Variants in MSH5 observed in about 807,000 individuals in gnomAD.
MSH5 encodes the protein mutS homolog 5.
Under a neutral mutation model 107.7 loss-of-function variants are expected in MSH5, and 78 were observed. The ratio of observed to expected loss-of-function variants is 0.72; its 90% CI spans 0.60 to 0.87. The LOEUF (loss-of-function observed/expected upper bound fraction) is 0.87, where lower values mean the gene tolerates loss of function less well. MSH5 is among the 40% of genes least tolerant of loss of function. The pLI is 0.00. For missense variants in MSH5, 889 were observed against 1,046.6 expected (o/e 0.85, Z 2.08); for synonymous variants, 326 against 399.5 (o/e 0.82, Z 2.19).
intron 10 of MSH5, among the ~76,000 whole-genome samples, chr6:31,750,582 G>C (rs2151355961): frequency 6.6e-6 from 1 of 152,254 alleles, no homozygotes; most frequent in Non-Finnish European, 1.5e-5. Context: ...GTACGAGCAG[G>C]GCGTGAGTCA....
intron 10 of MSH5, among the ~76,000 whole-genome samples, chr6:31,752,588 C>T (rs1359264931): frequency 7.9e-5 from 12 of 151,274 alleles, no homozygotes; most frequent in African/African-American, 2.9e-4. Context: ...GGCATGGTGG[C>T]GCATACCTGC....
chr6:31,747,940 G>A (rs887002322), intron 10 of MSH5, among the ~76,000 whole-genome samples: 1 of 151,886 alleles, frequency 6.6e-6, no homozygotes, highest in Non-Finnish European at 1.5e-5. Context: ...GGAGGTGGAG[G>A]TTGCAGTGAG....
At position 31,758,916 on chromosome 6, in the gene MSH5, G is replaced by A. The variant is rs1016164010; in HGVS notation, c.1326+41G>A. The A allele has an allele frequency of 1.9e-6, 3 of 1,552,448 alleles. No individual in the cohort carries two copies. Among genetic ancestry groups the A allele is most frequent in the Non-Finnish European group, 2.7e-6 (3 of 1,124,352 alleles). On this transcript the variant is annotated intron_variant, in intron 15 of 24. Transcript: ENST00000375750. This position sits in a 1 kb window ranked among gnomAD's most constrained non-coding sequence, Gnocchi z 5.1. ...TGGGTGTAGCCTTCAGATGTCTTTT[G>A]GGGGAGATATTAGGCTTATGAAAGA...
rs1231835757 is a variant in MSH5 at position 31,762,642 on chromosome 6, GT to G, written c.*114del. 4 of 670,716 alleles carry G rather than the reference GT, an allele frequency of 6.0e-6. No individual in the cohort carries two copies. The highest frequency in any genetic ancestry group is 1.0e-5 in the Non-Finnish European group (4 of 386,354). 41.5% of individuals were successfully genotyped at this position (670,716 alleles called of 1,614,324 possible). A position where few individuals can be genotyped will look rare whatever the true frequency, so the allele number is the denominator to read the frequency against. On this transcript the variant is annotated 3_prime_UTR_variant, in exon 25 of 25. Coordinates refer to ENST00000375750, the MANE Select transcript of MSH5 (RefSeq NM_172166.4). ...AGTTTTTAGTTTCTCTAGAAATTTTGTTTCATATTAGGAATAAAGTTTATTT... is the reference window on the plus strand; with the variant it reads ...AGTTTTTAGTTTCTCTAGAAATTTTGTTCATATTAGGAATAAAGTTTATTT...
In MSH5 at chr6:31,761,325, C is replaced by G. The variant is rs945845173; in HGVS notation, c.2037+63C>G. Reference sequence around the variant, plus strand: ...GGGAAAATGGAGGAGGATGAAGGAGCATGACAGTGAGGCTGGGCCTCTGGA... The same window carrying G: ...GGGAAAATGGAGGAGGATGAAGGAGGATGACAGTGAGGCTGGGCCTCTGGA... On this transcript the variant is annotated intron_variant, in intron 21 of 24. Coordinates refer to ENST00000375750, the MANE Select transcript of MSH5 (RefSeq NM_172166.4). This position sits in a 1 kb window ranked among gnomAD's most constrained non-coding sequence, Gnocchi z 5.3. 1 of 1,605,188 alleles carries G rather than the reference C, an allele frequency of 6.2e-7. No individual in the cohort carries two copies. The highest frequency in any genetic ancestry group is 1.1e-5 in the South Asian group (1 of 90,736).
chr6:31,761,802 T>G lies in MSH5; in HGVS notation c.2182-16T>G. On this transcript the variant is annotated splice_polypyrimidine_tract_variant and intron_variant, in intron 22 of 24. Coordinates refer to ENST00000375750, the MANE Select transcript of MSH5 (RefSeq NM_172166.4). This position sits in a 1 kb window ranked among gnomAD's most constrained non-coding sequence, Gnocchi z 5.3. ...GGAGGTGATTGATGATACACTGTCTTTTATTCTCTTTTAAGACCATGGAGA... is the reference window on the plus strand; with the variant it reads ...GGAGGTGATTGATGATACACTGTCTGTTATTCTCTTTTAAGACCATGGAGA... 1.9e-6 allele frequency: 3 copies of G among 1,613,070 alleles called. No individual in the cohort carries two copies. Among genetic ancestry groups the G allele is most frequent in the Non-Finnish European group, 1.7e-6 (2 of 1,180,028 alleles).
chr6:31,759,577 G>C lies in MSH5; in HGVS notation c.1495+65G>C. 2 of 1,571,872 alleles carry C rather than the reference G, an allele frequency of 1.3e-6. No homozygotes were observed. Among genetic ancestry groups the C allele is most frequent in the Non-Finnish European group, 1.7e-6 (2 of 1,148,626 alleles). On this transcript the variant is annotated intron_variant, in intron 17 of 24. Transcript: ENST00000375750. This position sits in a 1 kb window ranked among gnomAD's most constrained non-coding sequence, Gnocchi z 4.7. ...TAAAAAAAGCAGCAGCCAGGGGAAG[G>C]AGGGGAGTGGGCAACTTGGGGATGC... is the stretch of plus-strand genomic sequence containing the variant.
chr6:31,759,293 T>C lies in MSH5; in HGVS notation c.1407+116T>C. ...TGGGATCTCTCCTCTGTAGTTTTACTCTGAGCTTTACCAGCACTGAGACAA... is the reference window on the plus strand; with the variant it reads ...TGGGATCTCTCCTCTGTAGTTTTACCCTGAGCTTTACCAGCACTGAGACAA... On this transcript the variant is annotated intron_variant, in intron 16 of 24. Transcript: ENST00000375750. The surrounding 1 kb of genome is among the most constrained non-coding windows in gnomAD (Gnocchi z 4.7). 1 of 1,389,334 alleles carries C rather than the reference T, an allele frequency of 7.2e-7. No individual in the cohort carries two copies. 86.1% of individuals were successfully genotyped at this position (1,389,334 alleles called of 1,614,324 possible).
In MSH5 at chr6:31,758,082, C is replaced by T. The variant is rs148289426; in HGVS notation, c.1015-83C>T. 2.6e-3 allele frequency: 4,058 copies of T among 1,556,954 alleles called. 16 individuals are homozygous for T. Among genetic ancestry groups the T allele is most frequent in the Middle Eastern group, 0.011 (67 of 5,922 alleles). On this transcript the variant is annotated intron_variant, in intron 12 of 24. Transcript: ENST00000375750. The surrounding 1 kb of genome is among the most constrained non-coding windows in gnomAD (Gnocchi z 5.1). Reference sequence around the variant, plus strand: ...TGTTACTGTGATCTTCCCTACTGGTCTTTGTTCTTCTGAGTCTGTCCCTAT... The same window carrying T: ...TGTTACTGTGATCTTCCCTACTGGTTTTTGTTCTTCTGAGTCTGTCCCTAT...
chr6:31,751,863 C>T (rs1301151622), intron 10 of MSH5, among the ~76,000 whole-genome samples: 2 of 152,016 alleles, frequency 1.3e-5, no homozygotes, highest in Non-Finnish European at 2.9e-5. Flanking sequence ...CTTTAGGAGG[C>T]TGAGGCAGGC....
chr6:31,753,033 C>T (rs895544315), intron 10 of MSH5, among the ~76,000 whole-genome samples: 20 of 152,180 alleles, frequency 1.3e-4, no homozygotes, highest in African/African-American at 4.6e-4. Context: ...TGACAAGCTC[C>T]GTTACTTATA....
At position 31,760,898 on chromosome 6, in the gene MSH5, G is replaced by A; in HGVS notation, c.1962+59G>A. 1.3e-6 allele frequency: 2 copies of A among 1,557,384 alleles called. No individual in the cohort carries two copies. Among genetic ancestry groups the A allele is most frequent in the South Asian group, 2.3e-5 (2 of 85,484 alleles). ...AGGGGATAATGGGAAAGGAACCCCTGAAAATGCTCATAACAGGAAAGCATG... is the reference window on the plus strand; with the variant it reads ...AGGGGATAATGGGAAAGGAACCCCTAAAAATGCTCATAACAGGAAAGCATG... On this transcript the variant is annotated intron_variant, in intron 20 of 24. Coordinates refer to ENST00000375750, the MANE Select transcript of MSH5 (RefSeq NM_172166.4). This position sits in a 1 kb window ranked among gnomAD's most constrained non-coding sequence, Gnocchi z 5.6.
At position 31,759,304 on chromosome 6, in the gene MSH5, C is replaced by T; in HGVS notation, c.1408-121C>T. ...CTCTGTAGTTTTACTCTGAGCTTTACCAGCACTGAGACAAAGGAAAGAGAA... is the reference window on the plus strand; with the variant it reads ...CTCTGTAGTTTTACTCTGAGCTTTATCAGCACTGAGACAAAGGAAAGAGAA... On this transcript the variant is annotated intron_variant, in intron 16 of 24. Coordinates refer to ENST00000375750, the MANE Select transcript of MSH5 (RefSeq NM_172166.4). The surrounding 1 kb of genome is among the most constrained non-coding windows in gnomAD (Gnocchi z 4.7). 1.4e-6 allele frequency: 2 copies of T among 1,387,898 alleles called. No individual in the cohort carries two copies. Among genetic ancestry groups the T allele is most frequent in the South Asian group, 2.3e-5 (2 of 86,294 alleles). The allele number at this position is 1,387,898 out of a possible 1,614,324, so 86.0% of individuals were successfully genotyped here. A position where few individuals can be genotyped will look rare whatever the true frequency, so the allele number is the denominator to read the frequency against.
At position 31,744,301 on chromosome 6, in the gene MSH5, T is replaced by C; in HGVS notation, c.647+2T>C. ...CCTGGGCTTTAAGAAATTTATGTTG[T>C]AGGTGATTCACCCCAACCCCAACCA... On this transcript the variant is annotated splice_donor_variant, in intron 7 of 24. Transcript: ENST00000375750. LOFTEE classifies it high-confidence loss of function. The C allele has an allele frequency of 6.2e-7, 1 of 1,614,146 alleles. No homozygotes were observed. The highest frequency in any genetic ancestry group is 8.5e-7 in the Non-Finnish European group (1 of 1,180,014).
intron 3 of MSH5, among the ~76,000 whole-genome samples, chr6:31,741,555 T>C (rs949141772): frequency 2.0e-5 from 3 of 152,038 alleles, no homozygotes; most frequent in Non-Finnish European, 4.4e-5. Flanking sequence ...GTTTTTTGTG[T>C]GTGTTTTTAG....
chr6:31,741,067 A>T, intron 2 of MSH5, 96 bp from the exon 3 acceptor site: 4 of 1,483,002 alleles, frequency 2.7e-6, no homozygotes, highest in Non-Finnish European at 3.6e-6. Flanking sequence ...TGCCTATCTC[A>T]GAGATTTGAG....
chr6:31,746,110 G>GTGTGTGTGTGTGTGTGTGTGTGTGTT (rs1809436310), intron 9 of MSH5: 1 of 147,390 alleles, frequency 6.8e-6, no homozygotes, highest in East Asian at 2.0e-4. Flanking sequence ...GTGTGTGTGT[G>GTGTGTGTGTGTGTGTGTGTGTGTGTT]TGTGAGACGA....
At position 31,747,380 on chromosome 6, in the gene MSH5, C is replaced by A. The variant is rs1176223115; in HGVS notation, c.767-7C>A. The A allele has an allele frequency of 8.7e-6, 14 of 1,613,056 alleles. No homozygotes were observed. The highest frequency in any genetic ancestry group is 1.2e-5 in the Non-Finnish European group (14 of 1,179,984). On this transcript the variant is annotated splice_region_variant and splice_polypyrimidine_tract_variant and intron_variant, in intron 9 of 24. Coordinates refer to ENST00000375750, the MANE Select transcript of MSH5 (RefSeq NM_172166.4). The stretch of plus-strand genomic sequence containing the variant: ...AACAAGTTCACTCCCTGCCTTATCC[C>A]TCACAGGAATCCTCAACAGATGCCA...
At chr6:31,747,315 T>C in intron 9 of MSH5, 72 bp from the exon 10 acceptor site, 1 of 1,541,636 alleles carries the variant, frequency 6.5e-7, no homozygotes, top group East Asian at 2.2e-5. Flanking sequence ...TGCCTCAGCT[T>C]AGACACATAA....
Sources: allele counts gnomAD v4.1 joint callset (sites outside exome capture counted in the v4.1 genomes callset), GRCh38; gene constraint gnomAD v4.1.1; non-coding constraint Gnocchi (gnomAD v3.1); transcripts MANE v1.5; gene names NCBI Gene and HGNC (gene_info 2026-07-23, HGNC 2026-07-21).